LEMD1: variants seen among roughly 807,000 people sequenced by gnomAD.
LEMD1 encodes LEM domain-containing protein 1.
LEMD1 carries 18 observed loss-of-function variants against 17.4 expected under a neutral mutation model. The ratio of observed to expected loss-of-function variants is 1.04; its 90% CI spans 0.72 to 1.54. The LOEUF (loss-of-function observed/expected upper bound fraction) is 1.54, where lower values mean the gene tolerates loss of function less well. Ranked by LOEUF, LEMD1 falls within the 40% of genes most tolerant of loss-of-function variation. The pLI, the probability that LEMD1 is intolerant of heterozygous loss-of-function variation, is 0.00. For missense variants in LEMD1, 195 were observed against 210.4 expected (o/e 0.93, Z 0.45); for synonymous variants, 88 against 77.8 (o/e 1.13, Z -0.69).
At chr1:205,446,541 G>A (rs886754547) in intron 1 of LEMD1, among the ~76,000 whole-genome samples, 16 of 152,356 alleles carry the variant, frequency 1.1e-4, no homozygotes, top group South Asian at 8.3e-4. Context: ...GGGACTACCC[G>A]GGCAAACTGA....
chr1:205,420,953 T>G (rs575034749), intron 1 of LEMD1, among the ~76,000 whole-genome samples: 1 of 151,940 alleles, frequency 6.6e-6, no homozygotes, highest in Admixed American at 6.5e-5. Context: ...TGAGAGGTTT[T>G]TTTTTTTTTT....
In LEMD1 at chr1:205,441,810, C is replaced by T. The variant is rs10900491; in HGVS notation, c.-39+8058G>A. Among the ~76,000 whole-genome samples the T allele has an allele frequency of 5.3e-4, 81 of 152,304 alleles. No homozygotes were observed. In the East Asian group the frequency reaches 0.013, roughly 25 times the overall value. Reference sequence around the variant, plus strand: ...TAAAGACATGGTTTCTTCCCTGGCACATAAGTCTGAGGTAGAGGCTGAGGC... The same window carrying T: ...TAAAGACATGGTTTCTTCCCTGGCATATAAGTCTGAGGTAGAGGCTGAGGC... On this transcript the variant is annotated intron_variant, in intron 1 of 3. Coordinates refer to the LEMD1 transcript ENST00000367154. This position sits in a 1 kb window ranked among gnomAD's most constrained non-coding sequence, Gnocchi z 4.3.
intron 4 of LEMD1, among the ~76,000 whole-genome samples, chr1:205,415,834 G>T (rs1443166150): frequency 6.6e-6 from 1 of 152,182 alleles, no homozygotes; most frequent in Non-Finnish European, 1.5e-5. Context: ...ACGGTGCTGG[G>T]GGTAGAAGCC....
chr1:205,434,348 A>AAT (rs1553399154), intron 1 of LEMD1, among the ~76,000 whole-genome samples: 185 of 143,142 alleles, frequency 1.3e-3, no homozygotes, highest in East Asian at 7.2e-3. Flanking sequence ...AGTAAAAAAA[A>AAT]ATATATATAT....
At chr1:205,419,139 G>A (rs922461436) in intron 3 of LEMD1, 91 bp downstream of exon 3, 6 of 1,465,060 alleles carry the variant, frequency 4.1e-6, no homozygotes, top group Non-Finnish European at 5.6e-6. Flanking sequence ...CACAGGTCAG[G>A]CTGCACACCA....
At position 205,447,207 on chromosome 1, in the gene LEMD1, G is replaced by A. The variant is rs143893447; in HGVS notation, c.-39+2661C>T. Among the ~76,000 whole-genome samples the A allele has an allele frequency of 2.0e-3, 301 of 152,310 alleles. 1 individual carries two copies. The highest frequency in any genetic ancestry group is 5.4e-3 in the East Asian group (28 of 5,184). ...TGTGCTCCTTCCTATCCATATGAAC[G>A]TGGGCCAATTTCTTAGCTCCCTGTG... On this transcript the variant is annotated intron_variant, in intron 1 of 3. Coordinates refer to the LEMD1 transcript ENST00000367154.
chr1:205,420,653 T>C, intron 1 of LEMD1, 79 bp from the exon 2 acceptor site: 2 of 781,518 alleles, frequency 2.6e-6, no homozygotes, highest in Non-Finnish European at 4.3e-6. Flanking sequence ...ACATAAGTGT[T>C]TATAATCCTA....
intron 2 of LEMD1, 100 bp downstream of exon 2, chr1:205,420,355 T>C: frequency 1.1e-6 from 1 of 893,704 alleles, no homozygotes; most frequent in Non-Finnish European, 1.8e-6. Context: ...TATGTTCCTA[T>C]TTCTATTTTA....
chr1:205,444,276 C>A (rs1294640498), intron 1 of LEMD1, among the ~76,000 whole-genome samples: 2 of 152,162 alleles, frequency 1.3e-5, no homozygotes, highest in Admixed American at 6.5e-5. Flanking sequence ...CTGCATCTGA[C>A]TGCAAGCTGT....
chr1:205,442,536 T>C (rs1051153930), intron 1 of LEMD1, among the ~76,000 whole-genome samples: 1 of 152,190 alleles, frequency 6.6e-6, no homozygotes, highest in African/African-American at 2.4e-5. Flanking sequence ...ATCCAAGTCC[T>C]GTCAAGATTC....
chr1:205,414,451 G>A (rs1032442536), intron 4 of LEMD1, among the ~76,000 whole-genome samples: 2 of 151,802 alleles, frequency 1.3e-5, no homozygotes, highest in Admixed American at 6.6e-5. Context: ...TTGAGATGGG[G>A]TCTCATGCTA....
chr1:205,393,880 C>G (rs975337601), intron 4 of LEMD1, among the ~76,000 whole-genome samples: 8 of 149,040 alleles, frequency 5.4e-5, no homozygotes, highest in Admixed American at 4.7e-4. Flanking sequence ...AAATGGAAAT[C>G]AGGTACTCAA....
chr1:205,433,326 G>C (rs539359261), intron 1 of LEMD1, among the ~76,000 whole-genome samples: 1 of 151,978 alleles, frequency 6.6e-6, no homozygotes, highest in African/African-American at 2.4e-5. Flanking sequence ...GCGTGGTGGC[G>C]GGTGCCTGTA....
chr1:205,432,004 C>T (rs573687688), intron 1 of LEMD1, among the ~76,000 whole-genome samples: 1 of 152,210 alleles, frequency 6.6e-6, no homozygotes, highest in Non-Finnish European at 1.5e-5. Context: ...TGTAAGCCAC[C>T]GCACCCGCCC....
At chr1:205,425,363 G>T (rs1666040930), upstream of LEMD1, among the ~76,000 whole-genome samples, 1 of 152,140 alleles carries the variant, frequency 6.6e-6, no homozygotes, top group South Asian at 2.1e-4. Context: ...TGCCAGCTGG[G>T]CAGGGGAAGT....
intron 4 of LEMD1, among the ~76,000 whole-genome samples, chr1:205,392,536 C>T (rs747878489): frequency 6.0e-5 from 9 of 150,204 alleles, no homozygotes; most frequent in South Asian, 2.1e-4. Flanking sequence ...AGTGAAATCC[C>T]GCCTTAAAAA....
chr1:205,444,992 G>A (rs995104707), intron 1 of LEMD1, among the ~76,000 whole-genome samples: 6 of 148,710 alleles, frequency 4.0e-5, no homozygotes, highest in East Asian at 4.0e-4. Flanking sequence ...CCCCCTCCCC[G>A]GCTCCCTTAG....
chr1:205,422,677 T>C (rs1665996106), upstream of LEMD1, among the ~76,000 whole-genome samples: 1 of 152,228 alleles, frequency 6.6e-6, no homozygotes, highest in Admixed American at 6.5e-5. Flanking sequence ...TCGGTGAGAC[T>C]ATTAGCCTGC....
intron 4 of LEMD1, among the ~76,000 whole-genome samples, chr1:205,404,759 T>G (rs1665010468): frequency 6.6e-6 from 1 of 152,100 alleles, no homozygotes; most frequent in South Asian, 2.1e-4. Flanking sequence ...GCTAGCTGGT[T>G]ATTTTGCTCG....
Sources: allele counts gnomAD v4.1 joint callset (sites outside exome capture counted in the v4.1 genomes callset), GRCh38; gene constraint gnomAD v4.1.1; non-coding constraint Gnocchi (gnomAD v3.1); transcripts MANE v1.5; gene names NCBI Gene and HGNC (gene_info 2026-07-23, HGNC 2026-07-21).